PCDHGB2: variants seen among roughly 807,000 people sequenced by gnomAD.
The protein encoded by PCDHGB2 is protocadherin gamma-B2.
In PCDHGB2, 55 loss-of-function variants were observed where a neutral mutation model predicts 59.3. The ratio of observed to expected loss-of-function variants is 0.93; its 90% CI spans 0.75 to 1.16. The LOEUF (loss-of-function observed/expected upper bound fraction) is 1.16, where lower values mean the gene tolerates loss of function less well. PCDHGB2 is among the 50% of genes most tolerant of loss of function. The probability of loss-of-function intolerance (pLI) is 0.00; values close to 1 mark genes in which losing one functional copy is unlikely to be tolerated. For synonymous variants in PCDHGB2, 516 were observed against 512.0 expected, an observed-to-expected ratio of 1.01 and a Z score of -0.11; for missense variants, 1,228 against 1,198.5, an observed-to-expected ratio of 1.02 and a Z score of -0.36.
At chr5:141,495,255 G>A (rs1055329757) in intron 2 of PCDHGB2, among the ~76,000 whole-genome samples, 5 of 152,212 alleles carry the variant, frequency 3.3e-5, no homozygotes, top group African/African-American at 1.2e-4. Flanking sequence ...GGCTCAGGCA[G>A]AAAAGCATTT....
At chr5:141,464,044 C>T (rs898632465) in intron 1 of PCDHGB2, among the ~76,000 whole-genome samples, 1 of 152,086 alleles carries the variant, frequency 6.6e-6, no homozygotes, top group African/African-American at 2.4e-5. Context: ...GCGGGTGGAT[C>T]ACCTGAGGTC....
intron 1 of PCDHGB2, chr5:141,423,156 C>T (rs62378456): frequency 0.034 from 55,171 of 1,613,388 alleles, 1,070 homozygotes; most frequent in Middle Eastern, 0.098. Context: ...AGCAGAGCCT[C>T]GTGGTGGCCG....
At chr5:141,394,332 A>G (rs1270394666) in intron 1 of PCDHGB2, 2 of 1,614,010 alleles carry the variant, frequency 1.2e-6, no homozygotes, top group Admixed American at 1.7e-5. Context: ...GTATATCTCC[A>G]TCAACTCTGA....
At position 141,505,495 on chromosome 5, in the gene PCDHGB2, G is replaced by A. The variant is rs767547572; in HGVS notation, c.2569+14G>A. On this transcript the variant is annotated intron_variant, in intron 3 of 3. Transcript: ENST00000522605. ...CGTCCGCCAGTGGTAAGTGGTGTCA[G>A]TGTGTGTATGGAAGAGTGGGAGACC... The A allele has an allele frequency of 7.9e-5, 128 of 1,614,092 alleles. No homozygotes were observed. Among genetic ancestry groups the A allele is most frequent in the Non-Finnish European group, 1.0e-4 (123 of 1,180,008 alleles).
intron 1 of PCDHGB2, chr5:141,403,090 C>T (rs2094352394): frequency 6.2e-7 from 1 of 1,614,068 alleles, no homozygotes; most frequent in Non-Finnish European, 8.5e-7. Context: ...ATATTGTGGG[C>T]AACATCTCCA....
intron 1 of PCDHGB2, chr5:141,423,612 T>G: frequency 6.2e-7 from 1 of 1,611,004 alleles, no homozygotes; most frequent in Non-Finnish European, 8.5e-7. Flanking sequence ...TCTTGATAGC[T>G]GAAGACTCAG....
chr5:141,404,387 C>A, intron 1 of PCDHGB2: 1 of 1,613,874 alleles, frequency 6.2e-7, no homozygotes, highest in Non-Finnish European at 8.5e-7. Context: ...TGCCTATGAC[C>A]CTGATAGCAA....
chr5:141,365,739 C>G (rs368437640), intron 1 of PCDHGB2: 1 of 1,613,674 alleles, frequency 6.2e-7, no homozygotes, highest in African/African-American at 1.3e-5. Context: ...AGAGGTGTCT[C>G]TATCTTCTCT....
In PCDHGB2 at chr5:141,486,005, A is replaced by G. The variant is rs1057476811; in HGVS notation, c.2422-8802A>G. On this transcript the variant is annotated intron_variant, in intron 1 of 3. Transcript: ENST00000522605. This position sits in a 1 kb window ranked among gnomAD's most constrained non-coding sequence, Gnocchi z 5.0. Reference sequence around the variant, plus strand: ...GGACCTGGGTCCCAGTGGTAACGTCACCTTTTATTTCAGTGGTCATACCCC... The same window carrying G: ...GGACCTGGGTCCCAGTGGTAACGTCGCCTTTTATTTCAGTGGTCATACCCC... 1.9e-6 allele frequency: 3 copies of G among 1,613,936 alleles called. No homozygotes were observed. The Admixed American group carries it at 5.0e-5, about 27-fold the overall frequency.
intron 1 of PCDHGB2, among the ~76,000 whole-genome samples, chr5:141,458,726 C>T (rs1301761231): frequency 1.3e-5 from 2 of 151,992 alleles, no homozygotes; most frequent in African/African-American, 4.8e-5. Flanking sequence ...TTCGCCACCA[C>T]ATCCAGCTAT....
At chr5:141,396,767 G>A (rs900685366) in intron 1 of PCDHGB2, 1 of 152,338 alleles carries the variant, frequency 6.6e-6, no homozygotes, top group East Asian at 1.9e-4. Context: ...ATAAATGTTT[G>A]TTATTAATGA....
At chr5:141,417,602 C>G in intron 1 of PCDHGB2, 1 of 510,170 alleles carries the variant, frequency 2.0e-6, no homozygotes, top group Middle Eastern at 5.2e-4. Context: ...TGGGCGCCGC[C>G]GTCGGCCAGT....
chr5:141,441,289 T>C (rs1350801949), intron 1 of PCDHGB2: 1 of 152,212 alleles, frequency 6.6e-6, no homozygotes, highest in Non-Finnish European at 1.5e-5. Flanking sequence ...CGAGGTCACA[T>C]GTCTGATATA....
chr5:141,384,658 C>T lies in PCDHGB2; in HGVS notation c.2421+22102C>T, dbSNP rs755303317. 9.3e-6 allele frequency: 15 copies of T among 1,614,104 alleles called. No homozygotes were observed. The African/African-American group carries it at 1.7e-4, about 19-fold the overall frequency. Reference sequence around the variant, plus strand: ...ACCCCGCTCCGCAGAGCCCGGCTACCTGGTGACCAAGGTGGTGGCGGTGGA... The same window carrying T: ...ACCCCGCTCCGCAGAGCCCGGCTACTTGGTGACCAAGGTGGTGGCGGTGGA... On this transcript the variant is annotated intron_variant, in intron 1 of 3. Coordinates refer to ENST00000522605, the MANE Select transcript of PCDHGB2 (RefSeq NM_018923.3).
chr5:141,418,126 A>G (rs2096226975), intron 1 of PCDHGB2: 3 of 1,613,994 alleles, frequency 1.9e-6, no homozygotes, highest in Non-Finnish European at 2.5e-6. Context: ...TGAAGGACCG[A>G]ATAGACCGTG....
rs148798222 is a variant in PCDHGB2, at chr5:141,432,106, G to A, written c.2422-62701G>A. On this transcript the variant is annotated intron_variant, in intron 1 of 3. Coordinates refer to ENST00000522605, the MANE Select transcript of PCDHGB2 (RefSeq NM_018923.3). This position sits in a 1 kb window ranked among gnomAD's most constrained non-coding sequence, Gnocchi z 6.0. The stretch of plus-strand genomic sequence containing the variant: ...ACGTGGCAGACACCAACGACAACCC[G>A]CCGGTCTTCCCTCAGGCCTCCTATT... 4 of 1,614,068 alleles carry A rather than the reference G, an allele frequency of 2.5e-6. No homozygotes were observed. Among genetic ancestry groups the A allele is most frequent in the Non-Finnish European group, 3.4e-6 (4 of 1,180,020 alleles).
At chr5:141,394,952 G>A (rs764724660) in intron 1 of PCDHGB2, 13 of 1,613,738 alleles carry the variant, frequency 8.1e-6, no homozygotes, top group African/African-American at 6.7e-5. Context: ...TGCTTCTGGG[G>A]CTCAGGCTGA....
At chr5:141,413,488 C>G in intron 1 of PCDHGB2, 1 of 1,613,986 alleles carries the variant, frequency 6.2e-7, no homozygotes, top group Non-Finnish European at 8.5e-7. Context: ...TCAGAGCGCG[C>G]GGTGCGTGGT....
At chr5:141,370,093 C>T (rs1766669679) in intron 1 of PCDHGB2, among the ~76,000 whole-genome samples, 1 of 152,218 alleles carries the variant, frequency 6.6e-6, no homozygotes, top group South Asian at 2.1e-4. Flanking sequence ...TATCAGTACA[C>T]TGCCGATTTT....
Sources: allele counts gnomAD v4.1 joint callset (sites outside exome capture counted in the v4.1 genomes callset), GRCh38; gene constraint gnomAD v4.1.1; non-coding constraint Gnocchi (gnomAD v3.1); transcripts MANE v1.5; gene names NCBI Gene and HGNC (gene_info 2026-07-23, HGNC 2026-07-21).